MRPS35: variants seen among roughly 807,000 people sequenced by gnomAD.
MRPS35 encodes the protein small ribosomal subunit protein mS35.
Under a neutral mutation model 32.7 loss-of-function variants are expected in MRPS35, and 29 were observed. The observed-to-expected ratio is 0.89, with a 90% confidence interval of 0.66 to 1.21. The LOEUF is 1.21. Ranked by LOEUF, MRPS35 falls within the 50% of genes most tolerant of loss-of-function variation. The probability of loss-of-function intolerance (pLI) is 0.00; values close to 1 mark genes in which losing one functional copy is unlikely to be tolerated. For missense variants in MRPS35, 373 were observed against 383.8 expected (o/e 0.97, Z 0.23); for synonymous variants, 148 against 139.3 (o/e 1.06, Z -0.44).
intron 7 of MRPS35, among the ~76,000 whole-genome samples, chr12:27,753,891 TGTAAGAAAAAACGAGTA>T: frequency 6.6e-6 from 1 of 152,200 alleles, no homozygotes; most frequent in Non-Finnish European, 1.5e-5. Flanking sequence ...TAATAATTTT[TGTAAGAAAAAACGAGTA>T]GTAACAAAAC....
At chr12:27,747,125 T>C (rs182800178) in intron 7 of MRPS35, among the ~76,000 whole-genome samples, 3 of 152,352 alleles carry the variant, frequency 2.0e-5, no homozygotes, top group African/African-American at 7.2e-5. Context: ...ATACATTATA[T>C]AGCCTGTACT....
chr12:27,750,159 A>C (rs2061996149), intron 7 of MRPS35, among the ~76,000 whole-genome samples: 1 of 152,220 alleles, frequency 6.6e-6, no homozygotes, highest in South Asian at 2.1e-4. Context: ...GTTGCATTAA[A>C]AATTATGTGT....
intron 4 of MRPS35, among the ~76,000 whole-genome samples, chr12:27,723,524 G>A (rs550106997): frequency 1.3e-5 from 2 of 152,186 alleles, no homozygotes; most frequent in Non-Finnish European, 2.9e-5. Flanking sequence ...TTAGGCATTT[G>A]TACCTGTTTG....
rs1182011807 is a variant in MRPS35, at chr12:27,755,632, G to A, written c.*182G>A. ...CAGAGTTTTTTAATTTTTACACTGGGGCAATAGACTAGGAGGTCTCTGATT... is the reference window on the plus strand; with the variant it reads ...CAGAGTTTTTTAATTTTTACACTGGAGCAATAGACTAGGAGGTCTCTGATT... On this transcript the variant is annotated 3_prime_UTR_variant, in exon 8 of 8. Coordinates refer to ENST00000081029, the MANE Select transcript of MRPS35 (RefSeq NM_021821.4). The A allele has an allele frequency of 4.3e-6, 2 of 459,948 alleles. No homozygotes were observed. The highest frequency in any genetic ancestry group is 7.3e-6 in the Non-Finnish European group (2 of 275,516). The allele number at this position is 459,948 out of a possible 1,614,324, so 28.5% of individuals were successfully genotyped here.
intron 2 of MRPS35, among the ~76,000 whole-genome samples, chr12:27,715,418 C>T (rs777201692): frequency 3.3e-5 from 5 of 152,158 alleles, no homozygotes; most frequent in Non-Finnish European, 7.4e-5. Context: ...TGAGCTACTG[C>T]ACCTGGCCTC....
intron 7 of MRPS35, 123 bp from the exon 8 acceptor site, chr12:27,755,058 G>C: frequency 8.6e-7 from 1 of 1,166,272 alleles, no homozygotes; most frequent in Non-Finnish European, 1.2e-6. Context: ...TCCACATTTT[G>C]CAAACTTCTC....
intron 4 of MRPS35, among the ~76,000 whole-genome samples, chr12:27,722,031 A>G (rs1218950204): frequency 6.6e-6 from 1 of 152,224 alleles, no homozygotes; most frequent in African/African-American, 2.4e-5. Flanking sequence ...AAAAAACATA[A>G]AAATAAAAAA....
At chr12:27,734,242 C>CTTTTT (rs34818669) in intron 5 of MRPS35, among the ~76,000 whole-genome samples, 1 of 135,542 alleles carries the variant, frequency 7.4e-6, no homozygotes, top group Non-Finnish European at 1.6e-5. Flanking sequence ...AACCTATCTT[C>CTTTTT]TTTTTTTTTT....
intron 4 of MRPS35, among the ~76,000 whole-genome samples, chr12:27,721,239 G>GA (rs957328004): frequency 1.5e-4 from 23 of 152,148 alleles, no homozygotes; most frequent in African/African-American, 5.6e-4. Flanking sequence ...AATGAGGGAG[G>GA]AAAAATCTGT....
At chr12:27,751,124 A>AAAAAAAAAAAAAAAAAAAG in intron 7 of MRPS35, among the ~76,000 whole-genome samples, 1 of 147,480 alleles carries the variant, frequency 6.8e-6, no homozygotes, top group East Asian at 2.1e-4. Flanking sequence ...AAAAAAAAAA[A>AAAAAAAAAAAAAAAAAAAG]AAGAAAAGAA....
chr12:27,751,751 G>T (rs774982733), intron 7 of MRPS35, among the ~76,000 whole-genome samples: 1 of 152,212 alleles, frequency 6.6e-6, no homozygotes, highest in Non-Finnish European at 1.5e-5. Flanking sequence ...CCCCAAGAGC[G>T]CCTGTACAAC....
At chr12:27,752,117 G>A (rs915914146) in intron 7 of MRPS35, among the ~76,000 whole-genome samples, 4 of 152,010 alleles carry the variant, frequency 2.6e-5, no homozygotes, top group Non-Finnish European at 4.4e-5. Flanking sequence ...GCATGATAGC[G>A]TGCACCTTAG....
chr12:27,722,132 T>C (rs2061879004), intron 4 of MRPS35, among the ~76,000 whole-genome samples: 1 of 152,230 alleles, frequency 6.6e-6, no homozygotes, highest in Non-Finnish European at 1.5e-5. Context: ...TCTTAATCTT[T>C]CCTTAATTAT....
chr12:27,731,936 ACAC>A (rs2061923663), intron 5 of MRPS35, among the ~76,000 whole-genome samples: 1 of 152,230 alleles, frequency 6.6e-6, no homozygotes, highest in African/African-American at 2.4e-5. Flanking sequence ...CAGTTTAAAT[ACAC>A]AACAATATAC....
chr12:27,754,657 C>T (rs1310023167), intron 7 of MRPS35, among the ~76,000 whole-genome samples: 1 of 151,194 alleles, frequency 6.6e-6, no homozygotes, highest in Admixed American at 6.6e-5. Flanking sequence ...GTCCCAGCTA[C>T]TCAGGAGCCT....
Position 27,728,693 on chromosome 12 carries a change from G to A in MRPS35, c.522+4507G>A, listed in dbSNP as rs146814230. Among the ~76,000 whole-genome samples the A allele has an allele frequency of 4.0e-3, 604 of 152,164 alleles. 2 individuals carry two copies. Among genetic ancestry groups the A allele is most frequent in the Non-Finnish European group, 7.0e-3 (478 of 67,998 alleles). ...GATGTATCTTATGTTATCTGGAATG[G>A]CAAACAACCCCACCTCCCTCCCTTC... On this transcript the variant is annotated intron_variant, in intron 5 of 7. Transcript: ENST00000081029.
At chr12:27,713,152 A>G (rs2061835158) in intron 1 of MRPS35, among the ~76,000 whole-genome samples, 1 of 152,126 alleles carries the variant, frequency 6.6e-6, no homozygotes, top group Non-Finnish European at 1.5e-5. Flanking sequence ...TTGATTTTCC[A>G]TGTGCTCTCA....
At position 27,719,691 on chromosome 12, in the gene MRPS35, A is replaced by G. The variant is rs973176029; in HGVS notation, c.322-117A>G. 4.3e-5 allele frequency: 29 copies of G among 678,744 alleles called. No individual in the cohort carries two copies. The African/African-American group carries it at 5.3e-4, about 12-fold the overall frequency. 42.0% of individuals were successfully genotyped at this position (678,744 alleles called of 1,614,324 possible). On this transcript the variant is annotated intron_variant, in intron 3 of 7. Coordinates refer to ENST00000081029, the MANE Select transcript of MRPS35 (RefSeq NM_021821.4). Reference sequence around the variant, plus strand: ...CTGTCTCAAAAAAAAAAAAAAACAAACAGATTTTATTTACTACATGTTTTA... The same window carrying G: ...CTGTCTCAAAAAAAAAAAAAAACAAGCAGATTTTATTTACTACATGTTTTA...
At chr12:27,723,904 C>T (rs1593466563) in intron 4 of MRPS35, 143 bp from the exon 5 acceptor site, 1 of 696,250 alleles carries the variant, frequency 1.4e-6, no homozygotes, top group Non-Finnish European at 2.3e-6. Flanking sequence ...AGGGATGATG[C>T]TATATATGTA....
Sources: gnomAD v4.1 joint callset for allele counts (sites outside exome capture counted in the v4.1 genomes callset) on GRCh38, gnomAD v4.1.1 for gene constraint, MANE v1.5 for transcripts, NCBI Gene and HGNC (gene_info 2026-07-23, HGNC 2026-07-21) for gene names.